Variants in CD38 observed in about 807,000 individuals in gnomAD.
The protein encoded by CD38 is CD38 molecule.
In CD38, 31 loss-of-function variants were observed where a neutral mutation model predicts 36.3. The ratio of observed to expected loss-of-function variants is 0.85; its 90% CI spans 0.64 to 1.15. CD38 has a LOEUF of 1.15. Ranked by LOEUF, CD38 falls within the 50% of genes most tolerant of loss-of-function variation. CD38 has a pLI of 0.00. For synonymous variants in CD38, 131 were observed against 135.2 expected, an observed-to-expected ratio of 0.97 and a Z score of 0.22; for missense variants, 380 against 371.9, an observed-to-expected ratio of 1.02 and a Z score of -0.18.
rs1442479209 is a variant in CD38, at chr4:15,842,224, G to T, written c.839+1686G>T. Among the ~76,000 whole-genome samples, 2 of 116,992 alleles carry T rather than the reference G, an allele frequency of 1.7e-5. 1 individual carries two copies. Among genetic ancestry groups the T allele is most frequent in the Non-Finnish European group, 3.4e-5 (2 of 58,460 alleles). The allele number at this position is 116,992 out of a possible 152,430, so 76.8% of individuals were successfully genotyped here. On this transcript the variant is annotated intron_variant, in intron 7 of 7. Transcript: ENST00000226279. ...GCAGCTGGAGATCTGAGAACGGGCA[G>T]ACTGCCTCTTCAAGTGGGTCCCTGA...
chr4:15,789,954 C>G (rs1364449117), intron 1 of CD38, among the ~76,000 whole-genome samples: 2 of 152,140 alleles, frequency 1.3e-5, no homozygotes, highest in Non-Finnish European at 1.5e-5. Context: ...CTATAAGCAA[C>G]AGAAAATGAC....
intron 3 of CD38, among the ~76,000 whole-genome samples, chr4:15,827,705 TAG>T (rs1345454733): frequency 6.6e-6 from 1 of 152,088 alleles, no homozygotes; most frequent in Non-Finnish European, 1.5e-5. Context: ...TGAAATAAAG[TAG>T]AGAAAATGAA....
chr4:15,829,968 A>G (rs1191378354), intron 3 of CD38, among the ~76,000 whole-genome samples: 1 of 152,124 alleles, frequency 6.6e-6, no homozygotes, highest in Non-Finnish European at 1.5e-5. Flanking sequence ...TATAAATACC[A>G]CATTTTCTTT....
chr4:15,802,358 C>T (rs937354336), intron 1 of CD38, among the ~76,000 whole-genome samples: 2 of 152,006 alleles, frequency 1.3e-5, no homozygotes, highest in Admixed American at 6.6e-5. Context: ...AGATTCCATA[C>T]TACCCAAAGG....
chr4:15,806,682 G>A (rs894850321), intron 1 of CD38, among the ~76,000 whole-genome samples: 2 of 152,162 alleles, frequency 1.3e-5, no homozygotes, highest in Admixed American at 6.5e-5. Context: ...ACGGAATGAT[G>A]TACAGGGCGA....
chr4:15,794,982 G>C (rs1723078080), intron 1 of CD38, among the ~76,000 whole-genome samples: 1 of 152,288 alleles, frequency 6.6e-6, no homozygotes, highest in East Asian at 1.9e-4. Flanking sequence ...GGAATGAATA[G>C]TGTTGATTAG....
intron 7 of CD38, 43 bp downstream of exon 7, chr4:15,840,581 C>A: frequency 8.6e-7 from 1 of 1,169,336 alleles, no homozygotes; most frequent in Non-Finnish European, 1.3e-6. Context: ...TGTCTTGTCA[C>A]CTGTAGAATT....
chr4:15,816,921 A>G (rs1723612733), intron 2 of CD38, among the ~76,000 whole-genome samples: 1 of 152,204 alleles, frequency 6.6e-6, no homozygotes, highest in African/African-American at 2.4e-5. Context: ...ACCAAACCCA[A>G]CTCGAACAAA....
chr4:15,799,053 G>T (rs1212832254), intron 1 of CD38, among the ~76,000 whole-genome samples: 1 of 152,098 alleles, frequency 6.6e-6, no homozygotes, highest in Non-Finnish European at 1.5e-5. Context: ...TTCTTTTAGG[G>T]TTGTGCCTTT....
At chr4:15,804,313 A>G (rs970787541) in intron 1 of CD38, among the ~76,000 whole-genome samples, 2 of 152,198 alleles carry the variant, frequency 1.3e-5, no homozygotes, top group African/African-American at 4.8e-5. Context: ...AAATTCTCAC[A>G]CATTGTTGGT....
intron 1 of CD38, among the ~76,000 whole-genome samples, chr4:15,794,460 G>A (rs879556846): frequency 5.9e-5 from 9 of 152,134 alleles, no homozygotes; most frequent in South Asian, 4.1e-4. Flanking sequence ...AATCAACAGC[G>A]TATACAGACA....
intron 1 of CD38, among the ~76,000 whole-genome samples, chr4:15,786,889 C>T (rs1442598602): frequency 1.3e-5 from 2 of 152,378 alleles, no homozygotes; most frequent in East Asian, 3.9e-4. Flanking sequence ...CGCGGGGAGG[C>T]AGCTGAGGCC....
chr4:15,802,496 A>G (rs201980012), intron 1 of CD38, among the ~76,000 whole-genome samples: 28 of 40,480 alleles, frequency 6.9e-4, no homozygotes, highest in African/African-American at 5.7e-3. Flanking sequence ...TGTTTGTTTT[A>G]TTTTATTTTA....
intron 1 of CD38, among the ~76,000 whole-genome samples, chr4:15,784,786 G>T (rs1225948118): frequency 6.6e-6 from 1 of 152,074 alleles, no homozygotes. Flanking sequence ...GGCGAGGCAC[G>T]GTGGCTCACA....
chr4:15,834,131 C>A, intron 3 of CD38, 86 bp from the exon 4 acceptor site: 1 of 846,788 alleles, frequency 1.2e-6, no homozygotes, highest in Non-Finnish European at 2.0e-6. Context: ...GAAAATGGTT[C>A]CACTATGACT....
chr4:15,797,907 A>C (rs1176105493), intron 1 of CD38, among the ~76,000 whole-genome samples: 1 of 152,142 alleles, frequency 6.6e-6, no homozygotes, highest in African/African-American at 2.4e-5. Context: ...CCTTATTTCC[A>C]AATAAGGTCA....
At position 15,778,573 on chromosome 4, in the gene CD38, G is replaced by C. The variant is rs548221626; in HGVS notation, c.159G>C (p.Pro53=). ...VPRWRQQWSG[P]GTTKRFPETV... ...GGTGGCGCCAGCAGTGGAGCGGTCCGGGCACCACCAAGCGCTTTCCCGAGA... is the reference window on the plus strand; with the variant it reads ...GGTGGCGCCAGCAGTGGAGCGGTCCCGGCACCACCAAGCGCTTTCCCGAGA... Residue 53 remains proline (P), a synonymous_variant, in exon 1 of 8, where the codon CCG becomes CCC. Coordinates refer to ENST00000226279, the MANE Select transcript of CD38 (RefSeq NM_001775.4). This position sits in a 1 kb window ranked among gnomAD's most constrained non-coding sequence, Gnocchi z 4.9. The C allele has an allele frequency of 1.9e-6, 3 of 1,613,532 alleles. No homozygotes were observed. Among genetic ancestry groups the C allele is most frequent in the African/African-American group, 2.7e-5 (2 of 75,032 alleles).
chr4:15,816,056 T>A (rs980127343), intron 1 of CD38, among the ~76,000 whole-genome samples: 1 of 152,156 alleles, frequency 6.6e-6, no homozygotes, highest in Non-Finnish European at 1.5e-5. Context: ...GATTATGTGA[T>A]GGATTATGTT....
At chr4:15,836,547 A>T (rs1724073328) in intron 4 of CD38, among the ~76,000 whole-genome samples, 1 of 152,220 alleles carries the variant, frequency 6.6e-6, no homozygotes, top group Non-Finnish European at 1.5e-5. Context: ...TAGTGTGACA[A>T]ATCCCTACAT....
Sources: gnomAD v4.1 joint callset for allele counts (sites outside exome capture counted in the v4.1 genomes callset) on GRCh38, gnomAD v4.1.1 for gene constraint, Gnocchi (gnomAD v3.1) non-coding constraint, MANE v1.5 for transcripts, NCBI Gene and HGNC (gene_info 2026-07-23, HGNC 2026-07-21) for gene names.